Variants in COL15A1 observed in about 807,000 individuals in gnomAD.
The protein encoded by COL15A1 is collagen type XV alpha 1 chain, also known as collagen alpha-1(XV) chain.
In COL15A1, 111 loss-of-function variants were observed where a neutral mutation model predicts 165.9. The observed-to-expected ratio is 0.67, with a 90% CI of 0.57 to 0.78. The LOEUF (loss-of-function observed/expected upper bound fraction) is 0.78, where lower values mean the gene tolerates loss of function less well. COL15A1 is among the 30% of genes least tolerant of loss of function. COL15A1 has a pLI of 0.00. For missense variants in COL15A1, 1,745 were observed against 1,789.7 expected, an observed-to-expected ratio of 0.98 and a Z score of 0.45; for synonymous variants, 659 against 674.8, an observed-to-expected ratio of 0.98 and a Z score of 0.36.
chr9:99,064,218 A>G (rs540897911), intron 39 of COL15A1, among the ~76,000 whole-genome samples: 1 of 152,228 alleles, frequency 6.6e-6, no homozygotes, highest in Admixed American at 6.5e-5. Context: ...TGACCCCAGT[A>G]CTACTGACTC....
At chr9:99,050,406 G>A (rs1250382799) in intron 30 of COL15A1, among the ~76,000 whole-genome samples, 1 of 152,188 alleles carries the variant, frequency 6.6e-6, no homozygotes, top group Non-Finnish European at 1.5e-5. Flanking sequence ...CTTGTCCAAG[G>A]TCATGGGACT....
In COL15A1 at chr9:99,055,046, T is replaced by C. The variant is rs1825697155; in HGVS notation, c.3032-56T>C. 73 of 1,468,758 alleles carry C rather than the reference T, an allele frequency of 5.0e-5. No homozygotes were observed. The South Asian group carries it at 7.6e-4, about 15-fold the overall frequency. The allele number at this position is 1,468,758 out of a possible 1,614,324, so 91.0% of individuals were successfully genotyped here. On this transcript the variant is annotated intron_variant, in intron 32 of 41. Coordinates refer to ENST00000375001, the MANE Select transcript of COL15A1 (RefSeq NM_001855.5). The stretch of plus-strand genomic sequence containing the variant: ...CTGTGGTTGCCAACTTAGAGACTTT[T>C]ATTTTAAAATTTCTGAAATTACAAT...
intron 21 of COL15A1, among the ~76,000 whole-genome samples, chr9:99,038,427 A>G (rs113676152): frequency 1.4e-4 from 22 of 152,380 alleles, no homozygotes; most frequent in African/African-American, 5.1e-4. Flanking sequence ...AACTCTAAAA[A>G]GAGAAGACAT....
In COL15A1 at chr9:99,040,714, T is replaced by C; in HGVS notation, c.2511+158T>C. ...TGATATTTTTGATAGATATGGGGTT[T>C]TGCCATGTTGCCCAGGCTGGTCTGG... On this transcript the variant is annotated intron_variant, in intron 23 of 41. Transcript: ENST00000375001. 3 of 1,322,308 alleles carry C rather than the reference T, an allele frequency of 2.3e-6. No individual in the cohort carries two copies. The South Asian group carries it at 4.2e-5, about 18-fold the overall frequency. 81.9% of individuals were successfully genotyped at this position (1,322,308 alleles called of 1,614,324 possible). A position where few individuals can be genotyped will look rare whatever the true frequency, so the allele number is the denominator to read the frequency against.
At chr9:99,030,973 G>A (rs951306183) in intron 16 of COL15A1, among the ~76,000 whole-genome samples, 1 of 152,204 alleles carries the variant, frequency 6.6e-6, no homozygotes, top group Non-Finnish European at 1.5e-5. Flanking sequence ...TTCCACTGCA[G>A]GTGGAAGGTC....
At chr9:98,973,418 C>T (rs908011180) in intron 2 of COL15A1, among the ~76,000 whole-genome samples, 4 of 152,172 alleles carry the variant, frequency 2.6e-5, no homozygotes, top group East Asian at 1.9e-4. Flanking sequence ...TGATTGTGGC[C>T]GAGCCAGGTC....
Position 98,985,636 on chromosome 9 carries a change from G to A in COL15A1, c.172G>A (p.Val58Ile). 1.2e-6 allele frequency: 2 copies of A among 1,614,272 alleles called. No homozygotes were observed. The highest frequency in any genetic ancestry group is 1.7e-6 in the Non-Finnish European group (2 of 1,180,056). ...GVPLPSSVSF[V>I]TGYGGFPAYS... The stretch of plus-strand genomic sequence containing the variant: ...CCCGCTGCCCTCGTCCGTATCCTTT[G>A]TCACAGGCTATGGTGGCTTCCCGGC... Residue 58 changes from valine (V) to isoleucine (I), a missense_variant, in exon 3 of 42, where the codon GTC becomes ATC. Physicochemically the swap from Val to Ile is conservative, Grantham distance 29. Coordinates refer to ENST00000375001, the MANE Select transcript of COL15A1 (RefSeq NM_001855.5).
At chr9:99,062,223 C>T in intron 37 of COL15A1, 22 bp from the exon 38 acceptor site, 1 of 1,609,876 alleles carries the variant, frequency 6.2e-7, no homozygotes, top group Non-Finnish European at 8.5e-7. Context: ...TCTTTCATTT[C>T]AATGTACTGT....
chr9:98,985,603 A>C lies in COL15A1; in HGVS notation c.139A>C (p.Ile47Leu), dbSNP rs115245175. Residue 47 changes from isoleucine (I) to leucine (L), a missense_variant, in exon 3 of 42, where the codon ATC becomes CTC. Physicochemically the swap from Ile to Leu is conservative, Grantham distance 5. Coordinates refer to ENST00000375001, the MANE Select transcript of COL15A1 (RefSeq NM_001855.5). Reference protein sequence around the residue: ...SQGHLDLTQLIGVPLPSSVSF... With the variant: ...SQGHLDLTQLLGVPLPSSVSF... ...GGGTCACCTGGACCTCACGCAGCTCATCGGTGTCCCGCTGCCCTCGTCCGT... is the reference window on the plus strand; with the variant it reads ...GGGTCACCTGGACCTCACGCAGCTCCTCGGTGTCCCGCTGCCCTCGTCCGT... The C allele has an allele frequency of 2.5e-6, 4 of 1,614,180 alleles. No individual in the cohort carries two copies. The highest frequency in any genetic ancestry group is 3.4e-6 in the Non-Finnish European group (4 of 1,179,998).
chr9:98,985,582 C>T lies in COL15A1; in HGVS notation c.118C>T (p.His40Tyr), dbSNP rs1292225076. ...CCCTGCAGAGACTGCTTCCCAGGGTCACCTGGACCTCACGCAGCTCATCGG... is the reference window on the plus strand; with the variant it reads ...CCCTGCAGAGACTGCTTCCCAGGGTTACCTGGACCTCACGCAGCTCATCGG... Reference protein sequence around the residue: ...RGATETASQGHLDLTQLIGVP... With the variant: ...RGATETASQGYLDLTQLIGVP... Residue 40 changes from histidine to tyrosine, a missense_variant, in exon 3 of 42, where the codon CAC becomes TAC. Transcript: ENST00000375001. 1.9e-6 allele frequency: 3 copies of T among 1,613,150 alleles called. No homozygotes were observed. In the African/African-American group the frequency reaches 4.0e-5, roughly 22 times the overall value.
chr9:99,066,837 T>C lies in COL15A1; in HGVS notation c.3652-45T>C, dbSNP rs758187403. The C allele has an allele frequency of 1.0e-5, 16 of 1,559,314 alleles. No individual in the cohort carries two copies. The Admixed American group carries it at 2.8e-4, about 27-fold the overall frequency. On this transcript the variant is annotated intron_variant, in intron 39 of 41. Coordinates refer to ENST00000375001, the MANE Select transcript of COL15A1 (RefSeq NM_001855.5). ...TGTGAGATGGTTCTGGGGGCTGGAG[T>C]TTGCCTTTGATTCTGACTGCTCTCT...
chr9:98,989,371 C>G, intron 5 of COL15A1, 113 bp downstream of exon 5: 1 of 840,404 alleles, frequency 1.2e-6, no homozygotes, highest in Non-Finnish European at 1.9e-6. Flanking sequence ...GACCTGTGAG[C>G]TTAATCGTTG....
intron 31 of COL15A1, 31 bp from the exon 32 acceptor site, chr9:99,054,545 T>C: frequency 6.4e-7 from 1 of 1,574,556 alleles, no homozygotes; most frequent in Non-Finnish European, 8.6e-7. Context: ...GATTTTCCAT[T>C]TTTTTTTAAC....
In COL15A1 at chr9:99,028,905, A is replaced by G. The variant is rs562329074; in HGVS notation, c.2043+2939A>G. 7.9e-5 allele frequency among the ~76,000 whole-genome samples: 12 copies of G among 152,372 alleles called. No individual in the cohort carries two copies. In the South Asian group the frequency reaches 1.9e-3, roughly 24 times the overall value. On this transcript the variant is annotated intron_variant, in intron 16 of 41. Coordinates refer to ENST00000375001, the MANE Select transcript of COL15A1 (RefSeq NM_001855.5). ...AAGAATTTATCAAATAGATTATTCT[A>G]TGCTGAGTTCGATGATAGAAATATT...
rs1349966050 is a variant in COL15A1, at chr9:98,986,069, T to A, written c.605T>A (p.Ile202Asn). 6.2e-7 allele frequency: 1 copy of A among 1,613,904 alleles called. No homozygotes were observed. Among genetic ancestry groups the A allele is most frequent in the Non-Finnish European group, 8.5e-7 (1 of 1,180,012 alleles). ...QALAFESSAG[I>N]FMGNAGATGL... ...TTGGCTTTTGAGTCCAGCGCTGGAATCTTCATGGGCAATGCAGGAGCTACA... is the reference window on the plus strand; with the variant it reads ...TTGGCTTTTGAGTCCAGCGCTGGAAACTTCATGGGCAATGCAGGAGCTACA... The change falls in exon 3 of 42, where the codon ATC becomes AAC. Residue 202 changes from isoleucine to asparagine, a missense_variant. By Grantham distance (149) the Ile-to-Asn change is moderately radical (BLOSUM62 -3). Coordinates refer to ENST00000375001, the MANE Select transcript of COL15A1 (RefSeq NM_001855.5).
chr9:99,050,893 T>C (rs2117883158), intron 30 of COL15A1, among the ~76,000 whole-genome samples: 1 of 152,350 alleles, frequency 6.6e-6, no homozygotes, highest in East Asian at 1.9e-4. Context: ...AGTCTAAACG[T>C]TGAGGCATCC....
intron 2 of COL15A1, among the ~76,000 whole-genome samples, chr9:98,981,638 G>C (rs922283934): frequency 6.6e-6 from 1 of 152,128 alleles, no homozygotes; most frequent in African/African-American, 2.4e-5. Flanking sequence ...AACACGTATC[G>C]AGTGGACATA....
chr9:99,070,509 T>A lies in COL15A1; in HGVS notation c.*623T>A. 1 of 318,196 alleles carries A rather than the reference T, an allele frequency of 3.1e-6. No individual in the cohort carries two copies. The highest frequency in any genetic ancestry group is 6.3e-6 in the Non-Finnish European group (1 of 159,388). 19.7% of individuals were successfully genotyped at this position (318,196 alleles called of 1,614,324 possible). Reference sequence around the variant, plus strand: ...CATATTTTAGTATGGTGTCTGTTTATGTAACTCTGACTTGCTGGAAAAGTT... The same window carrying A: ...CATATTTTAGTATGGTGTCTGTTTAAGTAACTCTGACTTGCTGGAAAAGTT... On this transcript the variant is annotated 3_prime_UTR_variant, in exon 42 of 42. Coordinates refer to ENST00000375001, the MANE Select transcript of COL15A1 (RefSeq NM_001855.5).
intron 7 of COL15A1, among the ~76,000 whole-genome samples, chr9:99,002,433 T>A (rs1838676454): frequency 6.6e-6 from 1 of 152,104 alleles, no homozygotes; most frequent in Admixed American, 6.6e-5. Context: ...ACACTGAAAA[T>A]TCTTTCCAAA....
Sources: allele counts gnomAD v4.1 joint callset (sites outside exome capture counted in the v4.1 genomes callset), GRCh38; gene constraint gnomAD v4.1.1; transcripts MANE v1.5; gene names NCBI Gene and HGNC (gene_info 2026-07-23, HGNC 2026-07-21).